Variants in CLVS1 observed in about 807,000 individuals in gnomAD.
CLVS1 encodes clavesin 1, also known as clavesin-1.
A neutral mutation model predicts 33.1 loss-of-function variants in CLVS1; 10 were observed. The observed-to-expected ratio is 0.30, with a 90% CI of 0.19 to 0.51. The LOEUF (loss-of-function observed/expected upper bound fraction) is 0.51. CLVS1 is among the 20% of genes least tolerant of loss of function. The pLI, the probability that CLVS1 is intolerant of heterozygous loss-of-function variation, is 0.97. For synonymous variants in CLVS1, 163 were observed against 166.1 expected (o/e 0.98, Z 0.14); for missense variants, 343 against 433.4 (o/e 0.79, Z 1.85).
At chr8:61,202,276 TG>T in intron 2 of CLVS1, 1 of 591,842 alleles carries the variant, frequency 1.7e-6, no homozygotes, top group Non-Finnish European at 3.1e-6. Context: ...TTCCATCCTG[TG>T]TGGCTGTTCT....
At position 61,187,005 on chromosome 8, in the gene CLVS1, A is replaced by G. The variant is rs114954473; in HGVS notation, c.-152+55145A>G. Among the ~76,000 whole-genome samples the G allele has an allele frequency of 6.1e-3, 932 of 152,308 alleles. 12 individuals are homozygous for G. The highest frequency in any genetic ancestry group is 0.021 in the African/African-American group (869 of 41,578). On this transcript the variant is annotated intron_variant, in intron 2 of 2. Transcript: ENST00000522621. Reference sequence around the variant, plus strand: ...AATCTTGGTTTACTCAGATCCTGCTATGTTGTACTACACAGCTAAACTTAT... The same window carrying G: ...AATCTTGGTTTACTCAGATCCTGCTGTGTTGTACTACACAGCTAAACTTAT...
At chr8:61,417,508 T>C (rs1018415049) in intron 3 of CLVS1, among the ~76,000 whole-genome samples, 1 of 152,168 alleles carries the variant, frequency 6.6e-6, no homozygotes, top group African/African-American at 2.4e-5. Flanking sequence ...CAACTACAGG[T>C]GCACTGAATT....
chr8:61,500,566 A>G lies in CLVS1; in HGVS notation c.*1024A>G. ...ACTAGAAATGCAGGATGAAATGTCA[A>G]AGGTCATTTTATTTACCTAGTCTCC... On this transcript the variant is annotated 3_prime_UTR_variant, in exon 6 of 6. Coordinates refer to ENST00000325897, the MANE Select transcript of CLVS1 (RefSeq NM_173519.3). 6.6e-6 allele frequency: 1 copy of G among 152,234 alleles called. No individual in the cohort carries two copies. The highest frequency in any genetic ancestry group is 1.9e-4 in the East Asian group (1 of 5,208). 9.4% of individuals were successfully genotyped at this position (152,234 alleles called of 1,614,324 possible).
intron 2 of CLVS1, among the ~76,000 whole-genome samples, chr8:61,192,999 A>G (rs1300863384): frequency 3.3e-5 from 5 of 152,204 alleles, no homozygotes; most frequent in Admixed American, 3.3e-4. Context: ...ATACCATTTG[A>G]CCCAGCCATC....
intron 2 of CLVS1, among the ~76,000 whole-genome samples, chr8:61,187,455 A>G (rs1387384435): frequency 6.6e-6 from 1 of 152,168 alleles, no homozygotes; most frequent in Non-Finnish European, 1.5e-5. Flanking sequence ...CAAGTCATTT[A>G]ATGTGATAAT....
rs555900955 is a variant in CLVS1, at chr8:61,111,980, G to A, written c.-242-19790G>A. On this transcript the variant is annotated intron_variant, in intron 1 of 2. Transcript: ENST00000522621. ...ACTTCAGCAAAGTTTTTTTCAAATC[G>A]GTACTGTAGAATTCTTGTTGAATAT... Among the ~76,000 whole-genome samples, 4 of 151,676 alleles carry A rather than the reference G, an allele frequency of 2.6e-5. No individual in the cohort carries two copies. The East Asian group carries it at 5.8e-4, about 22-fold the overall frequency.
At chr8:61,298,124 G>A (rs1052140860) in intron 1 of CLVS1, among the ~76,000 whole-genome samples, 6 of 152,162 alleles carry the variant, frequency 3.9e-5, no homozygotes, top group Non-Finnish European at 8.8e-5. Flanking sequence ...ATTGCAATGA[G>A]TGTAGGGAAG....
At chr8:60,991,439 T>C in the CLVS1 span, among the ~76,000 whole-genome samples, 3 of 152,248 alleles carry the variant, frequency 2.0e-5, no homozygotes, top group Admixed American at 6.5e-5. Context: ...TGTGAATGTG[T>C]TGCATATTCA....
chr8:61,301,662 G>A (rs534880204), intron 2 of CLVS1, among the ~76,000 whole-genome samples: 1 of 152,252 alleles, frequency 6.6e-6, no homozygotes, highest in Admixed American at 6.5e-5. Flanking sequence ...ATGACATAAG[G>A]CTTTTAGAAG....
At chr8:61,368,849 C>T (rs1386055540) in intron 2 of CLVS1, among the ~76,000 whole-genome samples, 2 of 152,178 alleles carry the variant, frequency 1.3e-5, no homozygotes, top group African/African-American at 2.4e-5. Flanking sequence ...TTAGACAACT[C>T]ATTATTCTGG....
intron 2 of CLVS1, among the ~76,000 whole-genome samples, chr8:61,189,208 G>A (rs1585674494): frequency 6.6e-6 from 1 of 152,124 alleles, no homozygotes; most frequent in African/African-American, 2.4e-5. Context: ...AAGAGAGTGG[G>A]GGCCAATATT....
At chr8:61,258,634 C>T (rs913280531) in intron 2 of CLVS1, among the ~76,000 whole-genome samples, 3 of 152,196 alleles carry the variant, frequency 2.0e-5, no homozygotes, top group Admixed American at 6.5e-5. Context: ...TTATTTATTG[C>T]TCTCTTTACC....
chr8:61,087,992 T>G (rs1401694581), intron 1 of CLVS1, among the ~76,000 whole-genome samples: 3 of 152,252 alleles, frequency 2.0e-5, no homozygotes, highest in Non-Finnish European at 4.4e-5. Flanking sequence ...TTCATTGCCT[T>G]CTGTTGTTCA....
intron 2 of CLVS1, among the ~76,000 whole-genome samples, chr8:61,184,815 G>A (rs377766641): frequency 6.6e-6 from 1 of 152,108 alleles, no homozygotes; most frequent in Admixed American, 6.6e-5. Flanking sequence ...GATCCCTAGA[G>A]GAGTAAGGAA....
chr8:61,115,685 C>T (rs1324034166), intron 1 of CLVS1, among the ~76,000 whole-genome samples: 1 of 151,256 alleles, frequency 6.6e-6, no homozygotes, highest in East Asian at 1.9e-4. Context: ...TCATCCATGT[C>T]CCTACAAAGG....
intron 3 of CLVS1, 42 bp downstream of exon 3, chr8:61,376,821 C>G (rs1187443284): frequency 1.3e-6 from 2 of 1,503,918 alleles, no homozygotes; most frequent in African/African-American, 2.8e-5. Flanking sequence ...TGTGTGGCAA[C>G]ATACTTTTTA....
intron 2 of CLVS1, among the ~76,000 whole-genome samples, chr8:61,235,269 A>T (rs1471859): frequency 6.6e-6 from 1 of 151,980 alleles, no homozygotes; most frequent in Non-Finnish European, 1.5e-5. Flanking sequence ...AAGTGACCAG[A>T]GAAAGTACCC....
chr8:61,212,605 A>G (rs1807994276), intron 2 of CLVS1, among the ~76,000 whole-genome samples: 1 of 152,192 alleles, frequency 6.6e-6, no homozygotes, highest in South Asian at 2.1e-4. Context: ...TTGGAAAGAT[A>G]GAAGCAGGAA....
At chr8:61,487,187 C>A (rs562905979) in intron 5 of CLVS1, among the ~76,000 whole-genome samples, 10 of 152,216 alleles carry the variant, frequency 6.6e-5, no homozygotes, top group African/African-American at 2.4e-4. Context: ...AGTGGCAAGG[C>A]CCTAGAGTGT....
Sources: allele counts gnomAD v4.1 joint callset (sites outside exome capture counted in the v4.1 genomes callset), GRCh38; gene constraint gnomAD v4.1.1; transcripts MANE v1.5; gene names NCBI Gene and HGNC (gene_info 2026-07-23, HGNC 2026-07-21).